Variants in NCAM1 observed in about 807,000 individuals in gnomAD.
NCAM1 encodes the protein neural cell adhesion molecule 1, also known as antigen recognized by monoclonal antibody 5.1H11.
In NCAM1, 14 loss-of-function variants were observed where a neutral mutation model predicts 109.8. The observed-to-expected ratio is 0.13, with a 90% CI of 0.08 to 0.20. The LOEUF is 0.20. Among genes scored for constraint, NCAM1 ranks in the 10% least tolerant of loss-of-function variants. The pLI is 1.00. For missense variants in NCAM1, 774 were observed against 1,109.9 expected (o/e 0.70, Z 4.30); for synonymous variants, 418 against 442.9 (o/e 0.94, Z 0.70).
At chr11:113,230,751 C>G (rs1252077168) in intron 9 of NCAM1, among the ~76,000 whole-genome samples, 1 of 152,188 alleles carries the variant, frequency 6.6e-6, no homozygotes, top group African/African-American at 2.4e-5. Flanking sequence ...TTCTCCAGAT[C>G]ACTAACTTTC....
At chr11:113,129,875 A>G (rs2136110156) in intron 1 of NCAM1, among the ~76,000 whole-genome samples, 1 of 152,322 alleles carries the variant, frequency 6.6e-6, no homozygotes, top group African/African-American at 2.4e-5. Flanking sequence ...TAGGCCAGCA[A>G]TTTAGCATAA....
intron 14 of NCAM1, chr11:113,246,105 C>A (rs12222469): frequency 0.091 from 47,188 of 517,088 alleles, 4,553 homozygotes; most frequent in East Asian, 0.4. Context: ...ATTTATTATT[C>A]TTCTATTTCT....
intron 1 of NCAM1, among the ~76,000 whole-genome samples, chr11:112,980,346 C>G (rs2155290): frequency 0.45 from 68,122 of 151,596 alleles, 16,188 homozygotes; most frequent in East Asian, 0.8. Flanking sequence ...GAAGTAAAAA[C>G]ATATGTCAGT....
chr11:113,275,348 T>G lies in NCAM1; in HGVS notation c.2538T>G (p.Asn846Lys), dbSNP rs1555126359. 2 of 1,613,296 alleles carry G rather than the reference T, an allele frequency of 1.2e-6. No homozygotes were observed. The highest frequency in any genetic ancestry group is 1.7e-6 in the Non-Finnish European group (2 of 1,179,688). The change falls in exon 20 of 20, where the codon AAT becomes AAG. Residue 846 changes from asparagine to lysine, a missense_variant. By Grantham distance (94) the Asn-to-Lys change is moderately conservative (BLOSUM62 0). This residue lies in a region of NCAM1 where 122 missense variants were observed against 129.7 expected (regional missense o/e 0.94). Coordinates refer to ENST00000316851, the MANE Select transcript of NCAM1 (RefSeq NM_181351.5). ...CAGCCGAAGTCAAGACGGTCCCCAA[T>G]GACGCCACACAGACAAAGGAGAACG... ...PAPAEVKTVP[N>K]DATQTKENES...
intron 1 of NCAM1, among the ~76,000 whole-genome samples, chr11:113,055,057 G>A (rs1388528994): frequency 6.6e-6 from 1 of 152,210 alleles, no homozygotes; most frequent in African/African-American, 2.4e-5. Context: ...CACGTTTAAA[G>A]ATTGCTGGCG....
chr11:113,046,380 T>C (rs1953267041), intron 1 of NCAM1, among the ~76,000 whole-genome samples: 1 of 152,204 alleles, frequency 6.6e-6, no homozygotes, highest in African/African-American at 2.4e-5. Context: ...ACTATAATTC[T>C]ATAATTACCG....
rs60389510 is a variant in NCAM1, at chr11:113,199,829, T to TGAAAAAAAAAAAAAAA, written c.53-2550_53-2549insGAAAAAAAAAAAAAAA. 3.4e-4 allele frequency among the ~76,000 whole-genome samples: 39 copies of TGAAAAAAAAAAAAAAA among 115,780 alleles called. 3 individuals carry two copies. Among genetic ancestry groups the TGAAAAAAAAAAAAAAA allele is most frequent in the African/African-American group, 1.2e-3 (36 of 29,354 alleles). 76.0% of individuals were successfully genotyped at this position (115,780 alleles called of 152,430 possible). The stretch of plus-strand genomic sequence containing the variant: ...GCAAATAAAGTAAAAGAAACACCCT[T>TGAAAAAAAAAAAAAAA]AAAAAAAAAAAAAAAAAAAACTTCT... On this transcript the variant is annotated intron_variant, in intron 1 of 19. Coordinates refer to ENST00000316851, the MANE Select transcript of NCAM1 (RefSeq NM_181351.5).
chr11:113,074,353 A>G (rs1938432893), intron 1 of NCAM1, among the ~76,000 whole-genome samples: 1 of 152,200 alleles, frequency 6.6e-6, no homozygotes, highest in Non-Finnish European at 1.5e-5. Context: ...GCTGTGGCAG[A>G]AGGGTGCACC....
rs1565543626 is a variant in NCAM1, at chr11:113,273,547, C to T, written c.2456+1671C>T. The T allele has an allele frequency of 8.0e-6, 3 of 373,184 alleles. No homozygotes were observed. The highest frequency in any genetic ancestry group is 1.7e-5 in the Non-Finnish European group (3 of 180,758). 23.1% of individuals were successfully genotyped at this position (373,184 alleles called of 1,614,324 possible). ...GCTAGCCCGAAGAGCGAGGCTGCCT[C>T]CGTCAGCACCACAAACCCTTCCCAG... On this transcript the variant is annotated intron_variant, in intron 19 of 19. Transcript: ENST00000316851. This position sits in a 1 kb window ranked among gnomAD's most constrained non-coding sequence, Gnocchi z 6.0.
At chr11:113,047,993 C>T (rs1555081132) in intron 1 of NCAM1, among the ~76,000 whole-genome samples, 2 of 152,144 alleles carry the variant, frequency 1.3e-5, no homozygotes, top group Non-Finnish European at 2.9e-5. Flanking sequence ...GTCCTGATGG[C>T]TGCTGTCTTC....
chr11:113,034,336 A>G (rs1952801457), intron 1 of NCAM1, among the ~76,000 whole-genome samples: 2 of 152,162 alleles, frequency 1.3e-5, no homozygotes. Context: ...GAGATTTAAA[A>G]GAAAACCCTA....
At chr11:113,150,007 A>G (rs1408491985) in intron 1 of NCAM1, among the ~76,000 whole-genome samples, 1 of 152,160 alleles carries the variant, frequency 6.6e-6, no homozygotes, top group East Asian at 1.9e-4. Flanking sequence ...AGAGGATGAA[A>G]ATGATCAAAA....
intron 2 of NCAM1, 151 bp from the exon 3 acceptor site, chr11:113,204,135 C>T: frequency 1.6e-6 from 1 of 639,240 alleles, no homozygotes; most frequent in East Asian, 2.7e-5. Context: ...GGCTGCATGT[C>T]ATTCCAGCAG....
chr11:113,268,049 C>T (rs751105101), intron 17 of NCAM1, among the ~76,000 whole-genome samples: 4 of 152,118 alleles, frequency 2.6e-5, no homozygotes, highest in South Asian at 2.1e-4. Flanking sequence ...TACTGATGTC[C>T]GGAAGCTGCA....
At chr11:113,121,986 A>C (rs534705026) in intron 1 of NCAM1, among the ~76,000 whole-genome samples, 12 of 152,296 alleles carry the variant, frequency 7.9e-5, no homozygotes, top group African/African-American at 2.4e-4. Flanking sequence ...TATACTGAGG[A>C]GATAAGGCTC....
intron 1 of NCAM1, among the ~76,000 whole-genome samples, chr11:112,999,232 A>G (rs1200088774): frequency 1.3e-5 from 2 of 152,202 alleles, no homozygotes; most frequent in African/African-American, 2.4e-5. Context: ...AGATTTCTCA[A>G]AAGACCTTCA....
chr11:113,270,070 C>A, intron 17 of NCAM1, 118 bp from the exon 18 acceptor site: 1 of 933,526 alleles, frequency 1.1e-6, no homozygotes, highest in South Asian at 1.4e-5. Flanking sequence ...TCACTCTGGG[C>A]ATGAATGCCA....
intron 1 of NCAM1, among the ~76,000 whole-genome samples, chr11:113,088,507 C>G (rs993059965): frequency 2.0e-5 from 3 of 149,294 alleles, no homozygotes; most frequent in Admixed American, 6.7e-5. Context: ...ATCCCCGCTG[C>G]CCCTGCCCCA....
chr11:113,159,709 TG>T (rs1480113927), intron 1 of NCAM1, among the ~76,000 whole-genome samples: 3 of 152,332 alleles, frequency 2.0e-5, no homozygotes, highest in Admixed American at 6.5e-5. Flanking sequence ...ATTCTTTTTT[TG>T]TTTTTTTTAT....
Sources: allele counts gnomAD v4.1 joint callset (sites outside exome capture counted in the v4.1 genomes callset), GRCh38; gene constraint gnomAD v4.1.1; regional missense constraint gnomAD v4.1.1; non-coding constraint Gnocchi (gnomAD v3.1); transcripts MANE v1.5; gene names NCBI Gene and HGNC (gene_info 2026-07-23, HGNC 2026-07-21).